Variants in NCOA2 observed in about 807,000 individuals in gnomAD.
NCOA2 encodes nuclear receptor coactivator 2, also known as class E basic helix-loop-helix protein 75.
Under a neutral mutation model 145.1 loss-of-function variants are expected in NCOA2, and 21 were observed. The ratio of observed to expected loss-of-function variants is 0.14; its 90% CI spans 0.10 to 0.21. The LOEUF (loss-of-function observed/expected upper bound fraction) is 0.21, where lower values mean the gene tolerates loss of function less well. Ranked by LOEUF, NCOA2 falls within the 10% of genes least tolerant of loss-of-function variation. NCOA2 has a pLI of 1.00. For synonymous variants in NCOA2, 619 were observed against 637.5 expected (o/e 0.97, Z 0.44); for missense variants, 1,472 against 1,837.6 (o/e 0.80, Z 3.64).
rs184237304 is a variant in NCOA2, at chr8:70,266,219, G to A, written c.-20+30525C>T. On this transcript the variant is annotated intron_variant, in intron 2 of 22. Transcript: ENST00000452400. ...GTTCTGTCACCGAGGTGGGAGTACA[G>A]TGGCACGATCACAGTTTATTGCAGC... 2.0e-5 allele frequency among the ~76,000 whole-genome samples: 3 copies of A among 152,312 alleles called. No homozygotes were observed. The East Asian group carries it at 5.8e-4, about 29-fold the overall frequency.
the NCOA2 span, among the ~76,000 whole-genome samples, chr8:70,447,672 T>TC: frequency 7.1e-6 from 1 of 140,078 alleles, no homozygotes; most frequent in African/African-American, 2.8e-5. Flanking sequence ...ATTTCTTAGG[T>TC]CTTTGTTTTC....
intron 11 of NCOA2, among the ~76,000 whole-genome samples, chr8:70,149,462 G>A (rs1260431942): frequency 6.7e-6 from 1 of 149,106 alleles, no homozygotes; most frequent in African/African-American, 2.5e-5. Flanking sequence ...TGCCCAGGCT[G>A]GTCTCTGAGC....
At chr8:70,278,382 C>T (rs1041438022) in intron 2 of NCOA2, among the ~76,000 whole-genome samples, 2 of 152,144 alleles carry the variant, frequency 1.3e-5, no homozygotes, top group South Asian at 2.1e-4. Flanking sequence ...CTCATATTCA[C>T]GTTCCATCAA....
At chr8:70,395,552 T>C (rs1293441559) in intron 1 of NCOA2, among the ~76,000 whole-genome samples, 3 of 152,348 alleles carry the variant, frequency 2.0e-5, no homozygotes, top group East Asian at 1.9e-4. Flanking sequence ...TCTAAAAACA[T>C]TTCGACAATA....
At chr8:70,362,119 G>T (rs1489372949) in intron 1 of NCOA2, among the ~76,000 whole-genome samples, 1 of 152,074 alleles carries the variant, frequency 6.6e-6, no homozygotes, top group Non-Finnish European at 1.5e-5. Context: ...TTGGAGCACA[G>T]ATATTTACTG....
At chr8:70,286,458 CT>C (rs1826239504) in intron 2 of NCOA2, among the ~76,000 whole-genome samples, 1 of 152,088 alleles carries the variant, frequency 6.6e-6, no homozygotes, top group Admixed American at 6.5e-5. Flanking sequence ...ATGAAACAAA[CT>C]TTTCAAGAGA....
chr8:70,233,401 T>C (rs1426860616), intron 2 of NCOA2, among the ~76,000 whole-genome samples: 1 of 152,188 alleles, frequency 6.6e-6, no homozygotes, highest in Admixed American at 6.5e-5. Context: ...CAGGTTTTAC[T>C]GCCAAATGAA....
chr8:70,135,177 A>G (rs151116143), intron 15 of NCOA2, among the ~76,000 whole-genome samples: 1 of 152,186 alleles, frequency 6.6e-6, no homozygotes, highest in East Asian at 1.9e-4. Context: ...ATACCTTGAC[A>G]TTTACCCCAT....
intron 1 of NCOA2, among the ~76,000 whole-genome samples, chr8:70,391,464 T>C (rs1205007857): frequency 1.3e-5 from 2 of 152,232 alleles, no homozygotes; most frequent in Non-Finnish European, 2.9e-5. Context: ...AAAGTTTGTC[T>C]AGGCCCAGAC....
At chr8:70,429,214 G>A in the NCOA2 span, among the ~76,000 whole-genome samples, 1 of 152,168 alleles carries the variant, frequency 6.6e-6, no homozygotes, top group Non-Finnish European at 1.5e-5. Flanking sequence ...TTTGAAGCCT[G>A]GTAAAAATAT....
the NCOA2 span, among the ~76,000 whole-genome samples, chr8:70,442,771 C>T: frequency 1.3e-5 from 2 of 152,166 alleles, no homozygotes; most frequent in African/African-American, 4.8e-5. Context: ...TTAATAACCA[C>T]TCCCCAGGTC....
At chr8:70,292,469 T>G (rs989041673) in intron 2 of NCOA2, among the ~76,000 whole-genome samples, 3 of 149,348 alleles carry the variant, frequency 2.0e-5, no homozygotes, top group African/African-American at 7.4e-5. Flanking sequence ...GAGAATCGCT[T>G]AAATCCAGGA....
intron 5 of NCOA2, among the ~76,000 whole-genome samples, chr8:70,173,637 G>A (rs1814491673): frequency 6.6e-6 from 1 of 152,132 alleles, no homozygotes; most frequent in Non-Finnish European, 1.5e-5. Flanking sequence ...TGATTCTAGA[G>A]GAGATAAGCA....
chr8:70,175,064 C>G (rs1035287552), intron 4 of NCOA2, among the ~76,000 whole-genome samples: 1 of 152,362 alleles, frequency 6.6e-6, no homozygotes, highest in South Asian at 2.1e-4. Flanking sequence ...CCTCTAGAAC[C>G]TGTGGCTTGG....
chr8:70,382,523 T>C (rs973930804), intron 1 of NCOA2, among the ~76,000 whole-genome samples: 1 of 152,172 alleles, frequency 6.6e-6, no homozygotes, highest in African/African-American at 2.4e-5. Flanking sequence ...TTGCACCAGG[T>C]CCACCAACAG....
At chr8:70,158,548 C>T (rs1812530599) in intron 10 of NCOA2, among the ~76,000 whole-genome samples, 1 of 152,144 alleles carries the variant, frequency 6.6e-6, no homozygotes, top group African/African-American at 2.4e-5. Flanking sequence ...TAGATTTAGG[C>T]TAGGTGTGGT....
At chr8:70,200,441 G>A (rs1421853293) in intron 4 of NCOA2, among the ~76,000 whole-genome samples, 2 of 152,054 alleles carry the variant, frequency 1.3e-5, no homozygotes. Flanking sequence ...CTTACTCTAG[G>A]GATGGATTTT....
chr8:70,395,232 A>G (rs1398745687), intron 1 of NCOA2, among the ~76,000 whole-genome samples: 4 of 152,242 alleles, frequency 2.6e-5, no homozygotes, highest in Admixed American at 2.6e-4. Flanking sequence ...AGTGGTCAGA[A>G]GTTTGAATCA....
At chr8:70,421,029 G>GA in the NCOA2 span, among the ~76,000 whole-genome samples, 1 of 151,930 alleles carries the variant, frequency 6.6e-6, no homozygotes, top group Non-Finnish European at 1.5e-5. Context: ...CTTTGAAAAG[G>GA]AAAAAATATT....
Sources: allele counts gnomAD v4.1 joint callset (sites outside exome capture counted in the v4.1 genomes callset), GRCh38; gene constraint gnomAD v4.1.1; transcripts MANE v1.5; gene names NCBI Gene and HGNC (gene_info 2026-07-23, HGNC 2026-07-21).